The following OVOL2 variants were observed in gnomAD, a reference collection of about 807,000 sequenced individuals.
The protein encoded by OVOL2 is transcription factor Ovo-like 2.
A neutral mutation model predicts 18.1 loss-of-function variants in OVOL2; 13 were observed. The ratio of observed to expected loss-of-function variants is 0.72; its 90% CI spans 0.47 to 1.14. The LOEUF (loss-of-function observed/expected upper bound fraction) is 1.14, where lower values mean the gene tolerates loss of function less well. OVOL2 is among the 50% of genes most tolerant of loss of function. The pLI, the probability that OVOL2 is intolerant of heterozygous loss-of-function variation, is 0.00. For missense variants in OVOL2, 335 were observed against 383.0 expected (o/e 0.87, Z 1.05); for synonymous variants, 166 against 162.7 (o/e 1.02, Z -0.16).
At chr20:18,043,490 G>A (rs2036695027) in intron 2 of OVOL2, among the ~76,000 whole-genome samples, 1 of 152,146 alleles carries the variant, frequency 6.6e-6, no homozygotes, top group Non-Finnish European at 1.5e-5. Flanking sequence ...GGCCACATGG[G>A]GGAGCACGGA....
intron 3 of OVOL2, among the ~76,000 whole-genome samples, chr20:18,033,071 G>A (rs911156812): frequency 4.6e-5 from 7 of 152,202 alleles, no homozygotes; most frequent in African/African-American, 1.7e-4. Flanking sequence ...GAGGTGACTT[G>A]ACTCTTTCTT....
chr20:18,024,680 G>T lies in OVOL2; in HGVS notation c.784C>A (p.His262Asn), dbSNP rs199820121. ...TCACTCAGGCTGGTATTCTCCTGGT[G>T]TGCGGATGTCAGCTTGCCCTGCAGA... ...ALLQGKLTSA[H>N]QENTSLSEEE... The change falls in exon 4 of 4, where the codon CAC (histidine) becomes AAC (asparagine). Residue 262 changes from histidine to asparagine, a missense_variant. Transcript: ENST00000278780. 10 of 1,613,800 alleles carry T rather than the reference G, an allele frequency of 6.2e-6. No individual in the cohort carries two copies. The highest frequency in any genetic ancestry group is 8.5e-6 in the Non-Finnish European group (10 of 1,179,918).
chr20:18,040,450 C>T (rs1432989646), intron 3 of OVOL2, among the ~76,000 whole-genome samples: 1 of 152,106 alleles, frequency 6.6e-6, no homozygotes, highest in Admixed American at 6.5e-5. Flanking sequence ...AAGGCCTTTA[C>T]ACGAAGCCCA....
chr20:18,045,302 AACAAAG>A (rs1286817647), intron 2 of OVOL2, among the ~76,000 whole-genome samples: 1 of 152,234 alleles, frequency 6.6e-6, no homozygotes, highest in Non-Finnish European at 1.5e-5. Context: ...AATGAAATAG[AACAAAG>A]ACAATTACCC....
At chr20:18,058,100 C>G (rs1442179786), upstream of OVOL2, among the ~76,000 whole-genome samples, 1 of 152,178 alleles carries the variant, frequency 6.6e-6, no homozygotes, top group Non-Finnish European at 1.5e-5. Flanking sequence ...AATCAACCCC[C>G]GCCCCATTCC....
At chr20:18,042,810 T>C (rs2036686332) in intron 2 of OVOL2, among the ~76,000 whole-genome samples, 2 of 142,246 alleles carry the variant, frequency 1.4e-5, no homozygotes, top group Admixed American at 7.0e-5. Flanking sequence ...CGGCACTTCC[T>C]CCCCTCTCTC....
intron 2 of OVOL2, among the ~76,000 whole-genome samples, chr20:18,054,766 C>CAAAAAAAAAAAAAAAA (rs745367889): frequency 7.9e-5 from 5 of 63,466 alleles, no homozygotes; most frequent in Admixed American, 1.8e-4. Flanking sequence ...AACTCCATCT[C>CAAAAAAAAAAAAAAAA]AAAAAAAAAA....
chr20:18,034,169 G>A (rs574454266), intron 3 of OVOL2, among the ~76,000 whole-genome samples: 10 of 152,232 alleles, frequency 6.6e-5, no homozygotes, highest in African/African-American at 2.4e-4. Flanking sequence ...CCCAGCTGTC[G>A]TGTGGCTTCT....
rs377115647 is a variant in OVOL2 at position 18,024,858 on chromosome 20, C to G, written c.606G>C (p.Gln202His). The G allele has an allele frequency of 1.9e-6, 3 of 1,614,134 alleles. No homozygotes were observed. The highest frequency in any genetic ancestry group is 2.5e-6 in the Non-Finnish European group (3 of 1,180,058). ...CCCGCCGCTGCTTATAGGCATACTG[C>G]TGCTGCACCCCATGGATTTTCTTCA... ...SHLKKIHGVQ[Q>H]QYAYKQRRDK... Residue 202 changes from glutamine (Q) to histidine (H), a missense_variant, in exon 4 of 4, where the codon CAG becomes CAC. Transcript: ENST00000278780.
intron 2 of OVOL2, among the ~76,000 whole-genome samples, chr20:18,046,070 A>G (rs1041579115): frequency 2.6e-5 from 4 of 152,126 alleles, no homozygotes; most frequent in African/African-American, 7.2e-5. Context: ...GATATTAACA[A>G]ATTACACTCA....
chr20:18,048,839 G>A (rs186645396), intron 2 of OVOL2, among the ~76,000 whole-genome samples: 11 of 152,266 alleles, frequency 7.2e-5, no homozygotes, highest in Middle Eastern at 3.4e-3. Flanking sequence ...CCCATTTAGT[G>A]TCAATATTCA....
At chr20:18,037,981 T>A (rs2036633327) in intron 3 of OVOL2, among the ~76,000 whole-genome samples, 2 of 152,232 alleles carry the variant, frequency 1.3e-5, no homozygotes, top group Admixed American at 1.3e-4. Flanking sequence ...TCTTCCTCCT[T>A]CTGTCCTGCT....
In OVOL2 at chr20:18,046,413, C is replaced by G. The variant is rs557373766; in HGVS notation, c.322-4690G>C. 7.2e-5 allele frequency among the ~76,000 whole-genome samples: 11 copies of G among 152,208 alleles called. No homozygotes were observed. In the East Asian group the frequency reaches 1.4e-3, roughly 19 times the overall value. On this transcript the variant is annotated intron_variant, in intron 2 of 3. Transcript: ENST00000278780. ...TCACCTGCCAGCCATGTGAGTGAGC[C>G]CTTGTGGATGTCCATCCCAGTCAAA...
intron 3 of OVOL2, among the ~76,000 whole-genome samples, chr20:18,033,247 G>C (rs1342751604): frequency 6.6e-6 from 1 of 152,228 alleles, no homozygotes; most frequent in Non-Finnish European, 1.5e-5. Flanking sequence ...TGGAAGATAA[G>C]GACAGAAGGC....
At chr20:18,031,857 CT>C (rs1272584319) in intron 3 of OVOL2, among the ~76,000 whole-genome samples, 1 of 152,118 alleles carries the variant, frequency 6.6e-6, no homozygotes, top group Non-Finnish European at 1.5e-5. Flanking sequence ...TTTTTTACCC[CT>C]AATAGCAAAT....
chr20:18,041,768 C>T (rs774847931), intron 2 of OVOL2, 45 bp from the exon 3 acceptor site: 33 of 1,572,830 alleles, frequency 2.1e-5, no homozygotes, highest in Non-Finnish European at 2.9e-5. Context: ...CAGGCAGGCA[C>T]ATCCAGTAGG....
At chr20:18,048,783 A>G (rs2036746591) in intron 2 of OVOL2, among the ~76,000 whole-genome samples, 4 of 152,234 alleles carry the variant, frequency 2.6e-5, no homozygotes, top group South Asian at 4.1e-4. Flanking sequence ...CTCCCGTGAC[A>G]GTGAAATCTG....
At chr20:18,054,022 GGTCAC>G (rs949961183) in intron 2 of OVOL2, among the ~76,000 whole-genome samples, 6 of 152,074 alleles carry the variant, frequency 3.9e-5, no homozygotes, top group African/African-American at 1.4e-4. Flanking sequence ...CACTCAAATC[GGTCAC>G]GTCTTTGTTT....
chr20:18,029,489 C>T (rs938804973), intron 3 of OVOL2, among the ~76,000 whole-genome samples: 3 of 152,158 alleles, frequency 2.0e-5, no homozygotes, highest in Non-Finnish European at 4.4e-5. Flanking sequence ...CACGGATGTA[C>T]ATGTTTCCGA....
Sources: gnomAD v4.1 joint callset for allele counts (sites outside exome capture counted in the v4.1 genomes callset) on GRCh38, gnomAD v4.1.1 for gene constraint, MANE v1.5 for transcripts, NCBI Gene and HGNC (gene_info 2026-07-23, HGNC 2026-07-21) for gene names.